Variants in NXPH1 observed in about 807,000 individuals in gnomAD.
NXPH1 encodes the protein neurexophilin 1, also known as neurexophilin-1.
NXPH1 carries 5 observed loss-of-function variants against 23.7 expected under a neutral mutation model. The observed-to-expected ratio is 0.21, with a 90% CI of 0.11 to 0.44. The LOEUF (loss-of-function observed/expected upper bound fraction) is 0.44, where lower values mean the gene tolerates loss of function less well. Among genes scored for constraint, NXPH1 ranks in the 20% least tolerant of loss-of-function variants. The pLI is 0.99. For missense variants in NXPH1, 324 were observed against 321.6 expected (o/e 1.01, Z -0.06); for synonymous variants, 144 against 122.2 (o/e 1.18, Z -1.18).
At position 8,548,684 on chromosome 7, in the gene NXPH1, G is replaced by A. The variant is rs1232285651; in HGVS notation, c.54+112917G>A. On this transcript the variant is annotated intron_variant, in intron 2 of 2. Transcript: ENST00000405863. ...TGATTTATGGAGTTGGCATTCCTGA[G>A]TTCTTAACACAGCTTTGCTGCTTAC... Among the ~76,000 whole-genome samples the A allele has an allele frequency of 1.1e-3, 174 of 151,484 alleles. 3 individuals carry two copies. Among genetic ancestry groups the A allele is most frequent in the Non-Finnish European group, 8.9e-5 (6 of 67,642 alleles).
chr7:8,723,115 T>C (rs1197487051), intron 2 of NXPH1, among the ~76,000 whole-genome samples: 1 of 152,250 alleles, frequency 6.6e-6, no homozygotes. Context: ...AAATTGTGTT[T>C]GCTTCGCATT....
At chr7:8,529,586 T>G (rs1444751545) in intron 2 of NXPH1, among the ~76,000 whole-genome samples, 1 of 152,218 alleles carries the variant, frequency 6.6e-6, no homozygotes, top group Non-Finnish European at 1.5e-5. Flanking sequence ...GCAGCCTGCA[T>G]TCAAGTCTTG....
chr7:8,473,436 A>G (rs980362888), intron 2 of NXPH1, among the ~76,000 whole-genome samples: 1 of 152,142 alleles, frequency 6.6e-6, no homozygotes, highest in African/African-American at 2.4e-5. Flanking sequence ...TGACATTGCT[A>G]AGCTCTAGTG....
At chr7:8,683,477 T>C (rs2115178614) in intron 2 of NXPH1, among the ~76,000 whole-genome samples, 1 of 152,322 alleles carries the variant, frequency 6.6e-6, no homozygotes, top group Admixed American at 6.5e-5. Flanking sequence ...GATTTAGAAT[T>C]CTTACACAGG....
At chr7:8,504,084 G>T (rs1375769029) in intron 2 of NXPH1, among the ~76,000 whole-genome samples, 2 of 151,964 alleles carry the variant, frequency 1.3e-5, no homozygotes, top group African/African-American at 4.8e-5. Context: ...GATGCATTAT[G>T]CCAGGGGCTT....
chr7:8,609,147 C>A (rs186484157), intron 2 of NXPH1, among the ~76,000 whole-genome samples: 3 of 152,028 alleles, frequency 2.0e-5, no homozygotes, highest in Non-Finnish European at 2.9e-5. Context: ...TATATTAGGT[C>A]CAAAGATATA....
At chr7:8,514,922 G>A (rs1817664846) in intron 2 of NXPH1, among the ~76,000 whole-genome samples, 1 of 152,068 alleles carries the variant, frequency 6.6e-6, no homozygotes, top group Non-Finnish European at 1.5e-5. Context: ...TTTACGGTCA[G>A]TTTAATTCAT....
At chr7:8,461,531 C>G (rs886220478) in intron 2 of NXPH1, among the ~76,000 whole-genome samples, 1 of 152,132 alleles carries the variant, frequency 6.6e-6, no homozygotes, top group Non-Finnish European at 1.5e-5. Flanking sequence ...GTTTTGCTCA[C>G]TTTAAGAATA....
chr7:8,618,314 G>A (rs1489273191), intron 2 of NXPH1, among the ~76,000 whole-genome samples: 1 of 152,140 alleles, frequency 6.6e-6, no homozygotes, highest in African/African-American at 2.4e-5. Flanking sequence ...TGATTCATCT[G>A]ACTGTATTCA....
chr7:8,564,907 A>G (rs1037706626), intron 2 of NXPH1, among the ~76,000 whole-genome samples: 1 of 151,854 alleles, frequency 6.6e-6, no homozygotes, highest in Non-Finnish European at 1.5e-5. Context: ...CAACACTACA[A>G]TGCCAGTTCT....
chr7:8,450,888 A>G (rs1318374927), intron 2 of NXPH1, among the ~76,000 whole-genome samples: 4 of 152,204 alleles, frequency 2.6e-5, no homozygotes, highest in Non-Finnish European at 5.9e-5. Flanking sequence ...TAAGCATTTT[A>G]TGACCCAATA....
At chr7:8,714,032 A>G (rs573893358) in intron 2 of NXPH1, among the ~76,000 whole-genome samples, 3 of 152,334 alleles carry the variant, frequency 2.0e-5, no homozygotes, top group African/African-American at 7.2e-5. Context: ...GTCAAAGCCA[A>G]ACAAGGCCCT....
chr7:8,633,479 G>A (rs564208273), intron 2 of NXPH1, among the ~76,000 whole-genome samples: 7 of 152,262 alleles, frequency 4.6e-5, no homozygotes, highest in Admixed American at 1.3e-4. Context: ...AGAATTATGC[G>A]GATGTGAAAG....
At chr7:8,586,402 A>T (rs1818982167) in intron 2 of NXPH1, among the ~76,000 whole-genome samples, 1 of 152,224 alleles carries the variant, frequency 6.6e-6, no homozygotes, top group African/African-American at 2.4e-5. Flanking sequence ...AGCCCATGTC[A>T]TATGAACCAG....
At chr7:8,616,402 C>T (rs1452377959) in intron 2 of NXPH1, among the ~76,000 whole-genome samples, 1 of 152,032 alleles carries the variant, frequency 6.6e-6, no homozygotes, top group Non-Finnish European at 1.5e-5. Context: ...TATTTATCAC[C>T]ATCCCACATT....
At chr7:8,458,213 G>A (rs191876354) in intron 2 of NXPH1, among the ~76,000 whole-genome samples, 1 of 152,270 alleles carries the variant, frequency 6.6e-6, no homozygotes, top group East Asian at 1.9e-4. Flanking sequence ...AAAGAGACGT[G>A]GAGAATCATT....
At chr7:8,701,818 A>G (rs1466563680) in intron 2 of NXPH1, among the ~76,000 whole-genome samples, 2 of 152,104 alleles carry the variant, frequency 1.3e-5, no homozygotes, top group Admixed American at 1.3e-4. Flanking sequence ...AGCAGAACCA[A>G]AATTCTAAAA....
intron 2 of NXPH1, among the ~76,000 whole-genome samples, chr7:8,450,250 T>G (rs902045340): frequency 6.6e-6 from 1 of 152,214 alleles, no homozygotes; most frequent in Non-Finnish European, 1.5e-5. Context: ...ACTCTAACTT[T>G]CCTGTGGCAT....
rs774839327 is a variant in NXPH1, at chr7:8,751,404, G to A, written c.451G>A (p.Val151Ile). The change falls in exon 3 of 3, where the codon GTT becomes ATT. Residue 151 changes from valine to isoleucine, a missense_variant. Physicochemically the swap from Val to Ile is conservative, Grantham distance 29 (BLOSUM62 3). Coordinates refer to ENST00000405863, the MANE Select transcript of NXPH1 (RefSeq NM_152745.3). The surrounding 1 kb of genome is among the most constrained non-coding windows in gnomAD (Gnocchi z 4.5). Reference protein sequence around the residue: ...IVDHGNGTFSVYFRHNSTGQG... With the variant: ...IVDHGNGTFSIYFRHNSTGQG... ...AGATCATGGCAATGGGACATTTAGTGTTTATTTCAGGCATAATTCAACTGG... is the reference window on the plus strand; with the variant it reads ...AGATCATGGCAATGGGACATTTAGTATTTATTTCAGGCATAATTCAACTGG... 1 of 1,613,874 alleles carries A rather than the reference G, an allele frequency of 6.2e-7. No individual in the cohort carries two copies. Among genetic ancestry groups the A allele is most frequent in the South Asian group, 1.1e-5 (1 of 91,084 alleles).
Sources: allele counts gnomAD v4.1 joint callset (sites outside exome capture counted in the v4.1 genomes callset), GRCh38; gene constraint gnomAD v4.1.1; non-coding constraint Gnocchi (gnomAD v3.1); transcripts MANE v1.5; gene names NCBI Gene and HGNC (gene_info 2026-07-23, HGNC 2026-07-21).